The following LYRM4 variants were observed in gnomAD, a reference collection of about 807,000 sequenced individuals.
LYRM4 encodes LYR motif containing 4.
Under a neutral mutation model 11.7 loss-of-function variants are expected in LYRM4, and 9 were observed. The ratio of observed to expected loss-of-function variants is 0.77; its 90% CI spans 0.46 to 1.34. The LOEUF (loss-of-function observed/expected upper bound fraction) is 1.34. LYRM4 is among the 40% of genes most tolerant of loss of function. The pLI is 0.00. For missense variants in LYRM4, 133 were observed against 112.5 expected, an observed-to-expected ratio of 1.18 and a Z score of -0.82; for synonymous variants, 42 against 40.4, an observed-to-expected ratio of 1.04 and a Z score of -0.15.
chr6:5,053,266 AGT>A, the LYRM4 span, among the ~76,000 whole-genome samples: 1 of 152,182 alleles, frequency 6.6e-6, no homozygotes, highest in South Asian at 2.1e-4. Context: ...CCTGCCAGAA[AGT>A]GAGACAGATA....
At chr6:5,245,763 G>A (rs1228024316) in intron 1 of LYRM4, among the ~76,000 whole-genome samples, 1 of 152,168 alleles carries the variant, frequency 6.6e-6, no homozygotes, top group Non-Finnish European at 1.5e-5. Context: ...ACGTGTATGG[G>A]GCTGTGAACT....
chr6:5,133,952 G>T (rs1381756219), intron 2 of LYRM4, among the ~76,000 whole-genome samples: 1 of 152,194 alleles, frequency 6.6e-6, no homozygotes, highest in African/African-American at 2.4e-5. Context: ...GACTTCTAAG[G>T]ATGAATAATA....
intron 2 of LYRM4, among the ~76,000 whole-genome samples, chr6:5,172,047 T>C (rs760958662): frequency 3.3e-5 from 5 of 152,120 alleles, no homozygotes; most frequent in Non-Finnish European, 7.4e-5. Context: ...TCGTGTCCTT[T>C]AGGGAAAGCT....
At chr6:5,057,443 G>A in the LYRM4 span, among the ~76,000 whole-genome samples, 5 of 152,184 alleles carry the variant, frequency 3.3e-5, no homozygotes, top group South Asian at 6.2e-4. Flanking sequence ...CCGGCTGGGC[G>A]TGGTGGCCCA....
chr6:5,230,703 T>C (rs1763185793), intron 1 of LYRM4, among the ~76,000 whole-genome samples: 3 of 152,234 alleles, frequency 2.0e-5, no homozygotes, highest in Admixed American at 1.3e-4. Context: ...GGTCATTAGA[T>C]GTCTTCCTTA....
chr6:5,146,458 A>T (rs555602256), intron 2 of LYRM4, among the ~76,000 whole-genome samples: 57 of 152,274 alleles, frequency 3.7e-4, no homozygotes, highest in African/African-American at 1.3e-3. Flanking sequence ...CAGTCCATAG[A>T]GCTGGAAAAG....
At chr6:5,086,377 G>A in the LYRM4 span, 3 of 1,536,022 alleles carry the variant, frequency 2.0e-6, no homozygotes, top group Non-Finnish European at 2.6e-6. Context: ...GCCAGGCGCC[G>A]AGTGCTTCCA....
intron 1 of LYRM4, among the ~76,000 whole-genome samples, chr6:5,239,538 G>C (rs571340362): frequency 6.6e-6 from 1 of 152,050 alleles, no homozygotes; most frequent in Non-Finnish European, 1.5e-5. Flanking sequence ...GGCCTCCAAT[G>C]TCAAGCGGAG....
chr6:5,127,588 C>T (rs1017632404), intron 2 of LYRM4, among the ~76,000 whole-genome samples: 4 of 151,992 alleles, frequency 2.6e-5, no homozygotes, highest in African/African-American at 9.7e-5. Context: ...GTATAAAATA[C>T]AGACTGGGTT....
chr6:5,057,282 G>C, the LYRM4 span, among the ~76,000 whole-genome samples: 2 of 152,110 alleles, frequency 1.3e-5, no homozygotes, highest in Admixed American at 1.3e-4. Context: ...AAGCCTGCAC[G>C]GGCTTCGACC....
In LYRM4 at chr6:5,172,384, G is replaced by C. The variant is rs1759481760; in HGVS notation, c.207+44234C>G. 2.0e-5 allele frequency among the ~76,000 whole-genome samples: 3 copies of C among 152,170 alleles called. No homozygotes were observed. The South Asian group carries it at 6.2e-4, about 32-fold the overall frequency. ...TCGGTGCATTTCCAAATACTTTCGA[G>C]GGAGAGGAAGCTCTGGACTGTCCAG... is the stretch of plus-strand genomic sequence containing the variant. On this transcript the variant is annotated intron_variant, in intron 2 of 2. Transcript: ENST00000330636.
At chr6:5,143,688 A>T (rs1757537594) in intron 2 of LYRM4, among the ~76,000 whole-genome samples, 2 of 152,234 alleles carry the variant, frequency 1.3e-5, no homozygotes, top group Non-Finnish European at 2.9e-5. Context: ...CCTCAAAAAC[A>T]CAAGGCAATA....
At chr6:5,243,309 A>AGCTCCCACTCT in intron 1 of LYRM4, among the ~76,000 whole-genome samples, 1 of 152,208 alleles carries the variant, frequency 6.6e-6, no homozygotes, top group African/African-American at 2.4e-5. Context: ...CCTGCTGGCC[A>AGCTCCCACTCT]TGTAGCTCCC....
At chr6:5,068,674 A>G in the LYRM4 span, among the ~76,000 whole-genome samples, 1 of 152,224 alleles carries the variant, frequency 6.6e-6, no homozygotes, top group Non-Finnish European at 1.5e-5. The surrounding 1 kb of genome is among the most constrained non-coding windows in gnomAD (Gnocchi z 4.0). Flanking sequence ...ACACTGGAAC[A>G]GAGAGAAAGC....
intron 2 of LYRM4, among the ~76,000 whole-genome samples, chr6:5,154,505 C>T (rs975119710): frequency 6.6e-6 from 1 of 152,172 alleles, no homozygotes; most frequent in Non-Finnish European, 1.5e-5. Context: ...AACCCAACAC[C>T]TCATACAGAT....
intron 1 of LYRM4, among the ~76,000 whole-genome samples, chr6:5,254,364 G>T (rs983740198): frequency 7.2e-5 from 11 of 152,198 alleles, no homozygotes; most frequent in Non-Finnish European, 1.5e-4. Context: ...CCAAGAGTTT[G>T]TAGAATCCCG....
At chr6:5,242,095 T>TG (rs1763914562) in intron 1 of LYRM4, among the ~76,000 whole-genome samples, 2 of 149,914 alleles carry the variant, frequency 1.3e-5, no homozygotes, top group African/African-American at 5.0e-5. Flanking sequence ...TTTTTTGAGA[T>TG]AGAGTCTCAC....
At chr6:5,079,816 C>T in the LYRM4 span, among the ~76,000 whole-genome samples, 7 of 152,188 alleles carry the variant, frequency 4.6e-5, no homozygotes, top group East Asian at 9.6e-4. Flanking sequence ...TTTAAAGGTA[C>T]GAATTAAACA....
At chr6:5,197,185 T>C (rs1428524171) in intron 2 of LYRM4, among the ~76,000 whole-genome samples, 1 of 152,028 alleles carries the variant, frequency 6.6e-6, no homozygotes, top group Non-Finnish European at 1.5e-5. Context: ...CCAAGTCCTT[T>C]GGAAAAAACA....
Sources: gnomAD v4.1 joint callset for allele counts (sites outside exome capture counted in the v4.1 genomes callset) on GRCh38, gnomAD v4.1.1 for gene constraint, Gnocchi (gnomAD v3.1) non-coding constraint, MANE v1.5 for transcripts, NCBI Gene and HGNC (gene_info 2026-07-23, HGNC 2026-07-21) for gene names.